HTR2C: variants seen among roughly 807,000 people sequenced by gnomAD.
HTR2C encodes 5-hydroxytryptamine (serotonin) receptor 2C, G protein-coupled.
A neutral mutation model predicts 21.0 loss-of-function variants in HTR2C; 5 were observed. The observed-to-expected ratio is 0.24, with a 90% CI of 0.12 to 0.50. HTR2C has a LOEUF of 0.50. Among genes scored for constraint, HTR2C ranks in the 20% least tolerant of loss-of-function variants. The pLI is 0.98. For missense variants in HTR2C, 271 were observed against 371.2 expected (o/e 0.73, Z 2.22); for synonymous variants, 150 against 145.3 (o/e 1.03, Z -0.23).
At chrX:114,847,961 A>G (rs1167785489) in intron 4 of HTR2C, 42 bp from the exon 5 acceptor site, 1 of 1,061,898 alleles carries the variant, frequency 9.4e-7, no homozygotes, top group African/African-American at 1.8e-5. Context: ...AGTCAGTACA[A>G]TTTGGATGAC....
intron 5 of HTR2C, among the ~76,000 whole-genome samples, chrX:114,867,155 T>C (rs1189450190): frequency 6.3e-5 from 7 of 111,798 alleles, no homozygotes; most frequent in Non-Finnish European, 1.1e-4. Context: ...TCCACATCCT[T>C]AGCAGCATTT....
chrX:114,853,925 A>G (rs2070938923), intron 5 of HTR2C, among the ~76,000 whole-genome samples: 1 of 111,715 alleles, frequency 9.0e-6, no homozygotes, highest in African/African-American at 3.2e-5. Flanking sequence ...TTTAAGAAAA[A>G]ATGAACAACT....
chrX:114,654,416 A>G (rs1930705006), intron 2 of HTR2C, among the ~76,000 whole-genome samples: 1 of 109,511 alleles, frequency 9.1e-6, no homozygotes, highest in Non-Finnish European at 1.9e-5. Flanking sequence ...CTAAAAACAA[A>G]TTCAAATCAA....
intron 2 of HTR2C, among the ~76,000 whole-genome samples, chrX:114,700,946 C>T (rs1230744793): frequency 8.9e-6 from 1 of 112,285 alleles, no homozygotes; most frequent in Non-Finnish European, 1.9e-5. Flanking sequence ...CCCACGGAGT[C>T]TTGCTGATTG....
At chrX:114,899,600 G>A (rs188903777) in intron 5 of HTR2C, among the ~76,000 whole-genome samples, 126 of 108,154 alleles carry the variant, frequency 1.2e-3, no homozygotes, top group African/African-American at 3.2e-3. Flanking sequence ...AGCACTCACC[G>A]CTTCCCTTGA....
At position 114,807,417 on chromosome X, in the gene HTR2C, C is replaced by CTATACCATATATATACGCCATATA. The variant is rs1280055451; in HGVS notation, c.350-40557_350-40534dup. On this transcript the variant is annotated intron_variant, in intron 4 of 5. Transcript: ENST00000276198. ...TCTATACCATATATATACGCCATAT[C>CTATACCATATATATACGCCATATA]TATACCATATATATACGCCATATAT... is the stretch of plus-strand genomic sequence containing the variant. 1.4e-3 allele frequency among the ~76,000 whole-genome samples: 121 copies of CTATACCATATATATACGCCATATA among 83,519 alleles called. 14 individuals are homozygous for CTATACCATATATATACGCCATATA. Among genetic ancestry groups the CTATACCATATATATACGCCATATA allele is most frequent in the African/African-American group, 4.6e-3 (84 of 18,092 alleles). 72.5% of individuals were successfully genotyped at this position (83,519 alleles called of 115,157 possible). A position where few individuals can be genotyped will look rare whatever the true frequency, so the allele number is the denominator to read the frequency against.
intron 5 of HTR2C, among the ~76,000 whole-genome samples, chrX:114,878,629 T>C (rs980374301): frequency 1.3e-4 from 14 of 110,915 alleles, no homozygotes; most frequent in African/African-American, 4.2e-4. Context: ...TACATGGGAG[T>C]TTCCCAAGTA....
At chrX:114,714,748 G>T (rs1301442326) in intron 2 of HTR2C, among the ~76,000 whole-genome samples, 2 of 111,620 alleles carry the variant, frequency 1.8e-5, no homozygotes, top group East Asian at 5.6e-4. Context: ...AGAGCAAAAA[G>T]GGATAGAGGT....
At chrX:114,755,996 A>C (rs1556430081) in intron 4 of HTR2C, among the ~76,000 whole-genome samples, 2 of 110,570 alleles carry the variant, frequency 1.8e-5, no homozygotes, top group Non-Finnish European at 1.9e-5. Flanking sequence ...CTGTAGCCCC[A>C]ACTACTTGGG....
At chrX:114,892,339 T>A (rs1449731250) in intron 5 of HTR2C, among the ~76,000 whole-genome samples, 1 of 112,030 alleles carries the variant, frequency 8.9e-6, no homozygotes, top group Non-Finnish European at 1.9e-5. Flanking sequence ...AAATGTCATT[T>A]AGTTACCTTA....
At chrX:114,651,067 T>G (rs1455062453) in intron 2 of HTR2C, among the ~76,000 whole-genome samples, 2 of 112,005 alleles carry the variant, frequency 1.8e-5, no homozygotes, top group Admixed American at 9.5e-5. Context: ...ATATCTACAT[T>G]TATGATTATC....
chrX:114,685,676 A>G lies in HTR2C; in HGVS notation c.-79-41182A>G, dbSNP rs1032362993. ...ACGTTTATCTAAAGCAGGTTATAGC[A>G]GTGGATTATCATAGAGTCATAGCAG... On this transcript the variant is annotated intron_variant, in intron 2 of 5. Coordinates refer to ENST00000276198, the MANE Select transcript of HTR2C (RefSeq NM_000868.4). Among the ~76,000 whole-genome samples the G allele has an allele frequency of 1.3e-4, 14 of 111,908 alleles. 1 individual carries two copies. The South Asian group carries it at 5.2e-3, about 42-fold the overall frequency.
chrX:114,855,558 T>A (rs1331965911), intron 5 of HTR2C, among the ~76,000 whole-genome samples: 2 of 110,119 alleles, frequency 1.8e-5, no homozygotes, highest in African/African-American at 3.3e-5. Flanking sequence ...GCAAATAGCA[T>A]CTATTTTTTG....
intron 1 of HTR2C, among the ~76,000 whole-genome samples, chrX:114,593,058 A>G (rs988437339): frequency 4.5e-5 from 5 of 112,165 alleles, no homozygotes; most frequent in African/African-American, 1.6e-4. Flanking sequence ...AGGATATCAT[A>G]CAGACTATAA....
chrX:114,718,999 TATA>T (rs1373897899), intron 2 of HTR2C, among the ~76,000 whole-genome samples: 83 of 97,930 alleles, frequency 8.5e-4, no homozygotes, highest in African/African-American at 2.6e-3. Context: ...TAATATAATA[TATA>T]ATAATAATAT....
chrX:114,887,588 G>A (rs2071229217), intron 5 of HTR2C, among the ~76,000 whole-genome samples: 2 of 111,295 alleles, frequency 1.8e-5, no homozygotes, highest in African/African-American at 6.5e-5. Context: ...AATTCTCTCA[G>A]GGAATGTGCT....
At chrX:114,743,824 A>C (rs2069675556) in intron 4 of HTR2C, among the ~76,000 whole-genome samples, 1 of 112,489 alleles carries the variant, frequency 8.9e-6, no homozygotes, top group African/African-American at 3.2e-5. Context: ...CATTATAATC[A>C]AATTGCCAAC....
chrX:114,709,118 A>G (rs1932853950), intron 2 of HTR2C, among the ~76,000 whole-genome samples: 1 of 111,786 alleles, frequency 8.9e-6, no homozygotes, highest in Admixed American at 9.5e-5. Context: ...ATTTTCCTTT[A>G]TAAAAGTCAT....
At chrX:114,841,754 AAT>A (rs1170434129) in intron 4 of HTR2C, among the ~76,000 whole-genome samples, 2 of 97,236 alleles carry the variant, frequency 2.1e-5, no homozygotes, top group South Asian at 4.6e-4. Flanking sequence ...AAAAAAAAAA[AAT>A]TTTACTTGAA....
Sources: allele counts gnomAD v4.1 joint callset (sites outside exome capture counted in the v4.1 genomes callset), GRCh38; gene constraint gnomAD v4.1.1; transcripts MANE v1.5; gene names NCBI Gene and HGNC (gene_info 2026-07-23, HGNC 2026-07-21).